Variants in DCAF4L1 observed in about 807,000 individuals in gnomAD.
DCAF4L1 encodes the protein DDB1 and CUL4 associated factor 4 like 1, also known as DDB1- and CUL4-associated factor 4-like protein 1.
A neutral mutation model predicts 28.2 loss-of-function variants in DCAF4L1; 4 were observed. The ratio of observed to expected loss-of-function variants is 0.14; its 90% confidence interval spans 0.07 to 0.33. The LOEUF (loss-of-function observed/expected upper bound fraction) is 0.33, where lower values mean the gene tolerates loss of function less well. DCAF4L1 is among the 10% of genes least tolerant of loss of function. The pLI is 1.00. For synonymous variants in DCAF4L1, 252 were observed against 212.1 expected, an observed-to-expected ratio of 1.19 and a Z score of -1.63; for missense variants, 331 against 506.1, an observed-to-expected ratio of 0.65 and a Z score of 3.32.
Position 41,985,108 on chromosome 4 carries a change from G to GTATA in DCAF4L1, c.*2135_*2138dup, listed in dbSNP as rs372013647. ...AAGAACTAGCTGCAGACATATATAT[G>GTATA]TATATATATATATGTCTGATACTGA... On this transcript the variant is annotated 3_prime_UTR_variant, in exon 1 of 1. Coordinates refer to ENST00000333141, the MANE Select transcript of DCAF4L1 (RefSeq NM_001029955.4). 2.1e-4 allele frequency: 35 copies of GTATA among 165,352 alleles called. No homozygotes were observed. The highest frequency in any genetic ancestry group is 5.3e-4 in the Admixed American group (8 of 15,094). 10.2% of individuals were successfully genotyped at this position (165,352 alleles called of 1,614,324 possible).
Position 41,985,751 on chromosome 4 carries a change from T to TAATGTTGAA in DCAF4L1, c.*2770_*2778dup, listed in dbSNP as rs1368952156. The TAATGTTGAA allele has an allele frequency of 1.8e-5, 3 of 167,034 alleles. No homozygotes were observed. The East Asian group carries it at 5.8e-4, about 32-fold the overall frequency. 10.3% of individuals were successfully genotyped at this position (167,034 alleles called of 1,614,324 possible). A position where few individuals can be genotyped will look rare whatever the true frequency, so the allele number is the denominator to read the frequency against. ...GCACTATGGACAAATCCTGCAAACATAATGTTGAAATAAAGATGCCAAACA... is the reference window on the plus strand; with the variant it reads ...GCACTATGGACAAATCCTGCAAACATAATGTTGAAAATGTTGAAATAAAGATGCCAAACA... On this transcript the variant is annotated 3_prime_UTR_variant, in exon 1 of 1. Coordinates refer to ENST00000333141, the MANE Select transcript of DCAF4L1 (RefSeq NM_001029955.4).
In DCAF4L1 at chr4:41,981,901, C is replaced by T. The variant is rs996774639; in HGVS notation, c.109C>T (p.Leu37Phe). 24 of 1,614,084 alleles carry T rather than the reference C, an allele frequency of 1.5e-5. No individual in the cohort carries two copies. Among genetic ancestry groups the T allele is most frequent in the Non-Finnish European group, 2.0e-5 (24 of 1,180,042 alleles). Reference sequence around the variant, plus strand: ...GCTCCGAAAAAGCCAGCTAGGTTTCCTCAACGTCACCAGTTACTCCCGTTT... The same window carrying T: ...GCTCCGAAAAAGCCAGCTAGGTTTCTTCAACGTCACCAGTTACTCCCGTTT... ...SMLRKSQLGF[L>F]NVTSYSRLAN... The change falls in exon 1 of 1, where the codon CTC becomes TTC. Residue 37 changes from leucine (L) to phenylalanine (F), a missense_variant. By Grantham distance (22) the Leu-to-Phe change is conservative. Transcript: ENST00000333141.
In DCAF4L1 at chr4:41,985,980, A is replaced by G. The variant is rs1054361297; in HGVS notation, c.*2997A>G. ...TAATGGCACTGTGTCCGAGAGTCCA[A>G]AGAAGATGCGTAGACAGCGAACAAG... On this transcript the variant is annotated 3_prime_UTR_variant, in exon 1 of 1. Transcript: ENST00000333141. The G allele has an allele frequency of 3.6e-5, 6 of 167,138 alleles. No individual in the cohort carries two copies. Among genetic ancestry groups the G allele is most frequent in the African/African-American group, 1.2e-4 (5 of 41,450 alleles). 10.4% of individuals were successfully genotyped at this position (167,138 alleles called of 1,614,324 possible).
Position 41,982,897 on chromosome 4 carries a change from G to A in DCAF4L1, c.1105G>A (p.Ala369Thr), listed in dbSNP as rs764196692. 28 of 1,614,092 alleles carry A rather than the reference G, an allele frequency of 1.7e-5. No individual in the cohort carries two copies. Among genetic ancestry groups the A allele is most frequent in the Non-Finnish European group, 2.4e-5 (28 of 1,180,052 alleles). Residue 369 changes from alanine to threonine, a missense_variant, in exon 1 of 1, where the codon GCT (alanine) becomes ACT (threonine). Coordinates refer to ENST00000333141, the MANE Select transcript of DCAF4L1 (RefSeq NM_001029955.4). The surrounding 1 kb of genome is among the most constrained non-coding windows in gnomAD (Gnocchi z 4.4). ...GGACGACATTCCCAGCGTGGCCTTC[G>A]CTTCTCGGCTCGGGGGCATCCGGGG... ...SEDDIPSVAF[A>T]SRLGGIRGAA...
At position 41,982,859 on chromosome 4, in the gene DCAF4L1, A is replaced by G. The variant is rs760649731; in HGVS notation, c.1067A>G (p.Tyr356Cys). ...CTGCTCAGAACCATCCCTTCCCCGT[A>G]CTCTGCCTCCGAGGACGACATTCCC... ...AHLLRTIPSP[Y>C]SASEDDIPSV... Residue 356 changes from tyrosine to cysteine, a missense_variant, in exon 1 of 1, where the codon TAC becomes TGC. By Grantham distance (194) the Tyr-to-Cys change is radical. Transcript: ENST00000333141. The surrounding 1 kb of genome is among the most constrained non-coding windows in gnomAD (Gnocchi z 4.4). 6.8e-6 allele frequency: 11 copies of G among 1,614,038 alleles called. No individual in the cohort carries two copies. The South Asian group carries it at 1.1e-4, about 16-fold the overall frequency.
At position 41,985,392 on chromosome 4, in the gene DCAF4L1, T is replaced by G. The variant is rs1322507579; in HGVS notation, c.*2409T>G. 1 of 167,016 alleles carries G rather than the reference T, an allele frequency of 6.0e-6. No homozygotes were observed. The allele number at this position is 167,016 out of a possible 1,614,324, so 10.3% of individuals were successfully genotyped here. On this transcript the variant is annotated 3_prime_UTR_variant, in exon 1 of 1. Coordinates refer to ENST00000333141, the MANE Select transcript of DCAF4L1 (RefSeq NM_001029955.4). ...TGCCACACCACTTTCACTATAATGG[T>G]TAAAATAAAATAGATCAGGTGGAGT...
rs1714046181 is a variant in DCAF4L1, at chr4:41,983,178, A to C, written c.*195A>C. 1 of 572,576 alleles carries C rather than the reference A, an allele frequency of 1.7e-6. No individual in the cohort carries two copies. Among genetic ancestry groups the C allele is most frequent in the African/African-American group, 1.9e-5 (1 of 53,072 alleles). 35.5% of individuals were successfully genotyped at this position (572,576 alleles called of 1,614,324 possible). A position where few individuals can be genotyped will look rare whatever the true frequency, so the allele number is the denominator to read the frequency against. ...TTATTTCAGTTAAACTGTGGACTTAACTTGAAAGTCCTTTTCATAAAAGGT... is the reference window on the plus strand; with the variant it reads ...TTATTTCAGTTAAACTGTGGACTTACCTTGAAAGTCCTTTTCATAAAAGGT... On this transcript the variant is annotated 3_prime_UTR_variant, in exon 1 of 1. Transcript: ENST00000333141.
In DCAF4L1 at chr4:41,982,401, C is replaced by T. The variant is rs746896504; in HGVS notation, c.609C>T (p.Gly203=). The T allele has an allele frequency of 6.2e-7, 1 of 1,614,248 alleles. No individual in the cohort carries two copies. The highest frequency in any genetic ancestry group is 8.5e-7 in the Non-Finnish European group (1 of 1,180,052). Residue 203 remains glycine (G), a synonymous_variant, in exon 1 of 1, where the codon GGC becomes GGT. Transcript: ENST00000333141. This position sits in a 1 kb window ranked among gnomAD's most constrained non-coding sequence, Gnocchi z 4.4. ...GGGCATATCACTGCTTTAGTGCAGG[C>T]TTGTCTCAGCAGGTCCTGTTGACCA... ...NTRAYHCFSA[G]LSQQVLLTSV...
At position 41,982,753 on chromosome 4, in the gene DCAF4L1, C is replaced by T; in HGVS notation, c.961C>T (p.His321Tyr). 1 of 1,614,222 alleles carries T rather than the reference C, an allele frequency of 6.2e-7. No individual in the cohort carries two copies. Among genetic ancestry groups the T allele is most frequent in the Non-Finnish European group, 8.5e-7 (1 of 1,180,044 alleles). ...HVNESAYLPL[H>Y]VHEEEGIVVA... Reference sequence around the variant, plus strand: ...GAATGAGTCCGCCTATCTGCCCCTGCATGTGCACGAGGAAGAGGGAATCGT... The same window carrying T: ...GAATGAGTCCGCCTATCTGCCCCTGTATGTGCACGAGGAAGAGGGAATCGT... Residue 321 changes from histidine (H) to tyrosine (Y), a missense_variant, in exon 1 of 1, where the codon CAT becomes TAT. Physicochemically the swap from His to Tyr is moderately conservative, Grantham distance 83. Coordinates refer to ENST00000333141, the MANE Select transcript of DCAF4L1 (RefSeq NM_001029955.4). The surrounding 1 kb of genome is among the most constrained non-coding windows in gnomAD (Gnocchi z 4.4).
chr4:41,983,082 AT>A lies in DCAF4L1; in HGVS notation c.*100del. ...GAGAGCATTTTAAGAGACGTGTTGT[AT>A]ATAGATCGCATCCATCCGGCTGCCA... On this transcript the variant is annotated 3_prime_UTR_variant, in exon 1 of 1. Transcript: ENST00000333141. 6 of 1,122,526 alleles carry A rather than the reference AT, an allele frequency of 5.3e-6. No individual in the cohort carries two copies. In the South Asian group the frequency reaches 9.5e-5, roughly 18 times the overall value. 69.5% of individuals were successfully genotyped at this position (1,122,526 alleles called of 1,614,324 possible).
rs1332070463 is a variant in DCAF4L1 at position 41,982,183 on chromosome 4, T to G, written c.391T>G (p.Cys131Gly). 1 of 1,614,130 alleles carries G rather than the reference T, an allele frequency of 6.2e-7. No homozygotes were observed. The highest frequency in any genetic ancestry group is 1.3e-5 in the African/African-American group (1 of 74,942). Residue 131 changes from cysteine to glycine, a missense_variant, in exon 1 of 1, where the codon TGC (cysteine) becomes GGC (glycine). Physicochemically the swap from Cys to Gly is radical, Grantham distance 159. Transcript: ENST00000333141. The surrounding 1 kb of genome is among the most constrained non-coding windows in gnomAD (Gnocchi z 4.4). ...CCCCAACCGGAAGGTGAAGTCCCTGTGCTGGGCCTCGCTGAACCAGTTGGA... is the reference window on the plus strand; with the variant it reads ...CCCCAACCGGAAGGTGAAGTCCCTGGGCTGGGCCTCGCTGAACCAGTTGGA... ...YVPNRKVKSL[C>G]WASLNQLDSH... is the part of the protein sequence containing the mutation.
chr4:41,982,314 T>G lies in DCAF4L1; in HGVS notation c.522T>G (p.Pro174=). The change falls in exon 1 of 1, where the codon CCT becomes CCG. Residue 174 remains proline, a synonymous_variant. Coordinates refer to ENST00000333141, the MANE Select transcript of DCAF4L1 (RefSeq NM_001029955.4). This position sits in a 1 kb window ranked among gnomAD's most constrained non-coding sequence, Gnocchi z 4.4. ...GTGTTCACACAAGAGTTAACCAGCC[T>G]GGCATGCTCTGCAGTTTCCAGATCC... The part of the protein sequence containing the change: ...FLSVHTRVNQ[P]GMLCSFQIPE... 7 of 1,614,236 alleles carry G rather than the reference T, an allele frequency of 4.3e-6. No individual in the cohort carries two copies. The highest frequency in any genetic ancestry group is 5.9e-6 in the Non-Finnish European group (7 of 1,180,036).
Position 41,984,038 on chromosome 4 carries a change from G to A in DCAF4L1, c.*1055G>A, listed in dbSNP as rs1451821869. On this transcript the variant is annotated 3_prime_UTR_variant, in exon 1 of 1. Transcript: ENST00000333141. Reference sequence around the variant, plus strand: ...GATTCAATTCTAAAGTTCAAAAGCAGTAAAAACTTGTCTATGGTGATTAAA... The same window carrying A: ...GATTCAATTCTAAAGTTCAAAAGCAATAAAAACTTGTCTATGGTGATTAAA... 2 of 163,906 alleles carry A rather than the reference G, an allele frequency of 1.2e-5. No individual in the cohort carries two copies. The highest frequency in any genetic ancestry group is 4.8e-5 in the African/African-American group (2 of 41,436). 10.2% of individuals were successfully genotyped at this position (163,906 alleles called of 1,614,324 possible).
In DCAF4L1 at chr4:41,983,277, G is replaced by T; in HGVS notation, c.*294G>T. 1 of 254,294 alleles carries T rather than the reference G, an allele frequency of 3.9e-6. No homozygotes were observed. The allele number at this position is 254,294 out of a possible 1,614,324, so 15.8% of individuals were successfully genotyped here. A position where few individuals can be genotyped will look rare whatever the true frequency, so the allele number is the denominator to read the frequency against. On this transcript the variant is annotated 3_prime_UTR_variant, in exon 1 of 1. Coordinates refer to ENST00000333141, the MANE Select transcript of DCAF4L1 (RefSeq NM_001029955.4). ...ACCCTTTTTTTTTTTAAATAATTAA[G>T]ACTTTTCTAAGGACTGAAGATTGGC...
rs758477805 is a variant in DCAF4L1 at position 41,982,035 on chromosome 4, C to G, written c.243C>G (p.Thr81=). 6.2e-7 allele frequency: 1 copy of G among 1,614,222 alleles called. No homozygotes were observed. The highest frequency in any genetic ancestry group is 2.2e-5 in the East Asian group (1 of 44,882). Residue 81 remains threonine, a synonymous_variant, in exon 1 of 1, where the codon ACC becomes ACG. Transcript: ENST00000333141. The surrounding 1 kb of genome is among the most constrained non-coding windows in gnomAD (Gnocchi z 4.4). ...SDRFNFILAS[T]NSDQLFVVNQ... is the part of the protein sequence containing the mutation. ...GATTTAACTTCATTCTGGCGAGTAC[C>G]AACAGCGACCAGCTCTTCGTAGTGA...
chr4:41,982,128 C>G lies in DCAF4L1; in HGVS notation c.336C>G (p.Phe112Leu). The G allele has an allele frequency of 6.2e-7, 1 of 1,614,226 alleles. No individual in the cohort carries two copies. The highest frequency in any genetic ancestry group is 1.3e-5 in the African/African-American group (1 of 75,054). ...ISLRTLKIPS[F>L]HVYVLRNLYV... Reference sequence around the variant, plus strand: ...TGCGAACTCTGAAGATCCCTTCGTTCCACGTGTACGTGCTCAGAAACCTCT... The same window carrying G: ...TGCGAACTCTGAAGATCCCTTCGTTGCACGTGTACGTGCTCAGAAACCTCT... The change falls in exon 1 of 1, where the codon TTC becomes TTG. Residue 112 changes from phenylalanine to leucine, a missense_variant. Physicochemically the swap from Phe to Leu is conservative, Grantham distance 22. Coordinates refer to ENST00000333141, the MANE Select transcript of DCAF4L1 (RefSeq NM_001029955.4). This position sits in a 1 kb window ranked among gnomAD's most constrained non-coding sequence, Gnocchi z 4.4.
At position 41,984,024 on chromosome 4, in the gene DCAF4L1, A is replaced by G. The variant is rs1210979713; in HGVS notation, c.*1041A>G. 1 of 164,584 alleles carries G rather than the reference A, an allele frequency of 6.1e-6. No individual in the cohort carries two copies. Among genetic ancestry groups the G allele is most frequent in the Non-Finnish European group, 1.5e-5 (1 of 68,102 alleles). The allele number at this position is 164,584 out of a possible 1,614,324, so 10.2% of individuals were successfully genotyped here. ...AGTACAAACTGTATGATTCAATTCTAAAGTTCAAAAGCAGTAAAAACTTGT... is the reference window on the plus strand; with the variant it reads ...AGTACAAACTGTATGATTCAATTCTGAAGTTCAAAAGCAGTAAAAACTTGT... On this transcript the variant is annotated 3_prime_UTR_variant, in exon 1 of 1. Coordinates refer to ENST00000333141, the MANE Select transcript of DCAF4L1 (RefSeq NM_001029955.4).
In DCAF4L1 at chr4:41,983,000, G is replaced by T. The variant is rs374930244; in HGVS notation, c.*17G>T. 1 of 1,574,704 alleles carries T rather than the reference G, an allele frequency of 6.4e-7. No homozygotes were observed. The highest frequency in any genetic ancestry group is 8.6e-7 in the Non-Finnish European group (1 of 1,160,544). On this transcript the variant is annotated 3_prime_UTR_variant, in exon 1 of 1. Coordinates refer to ENST00000333141, the MANE Select transcript of DCAF4L1 (RefSeq NM_001029955.4). The surrounding 1 kb of genome is among the most constrained non-coding windows in gnomAD (Gnocchi z 4.4). ...TTCAGCTAATTCTGCAGGTGGCAGCGCGGCCGAATGTGGATTTGACTTAAG... is the reference window on the plus strand; with the variant it reads ...TTCAGCTAATTCTGCAGGTGGCAGCTCGGCCGAATGTGGATTTGACTTAAG...
At position 41,982,927 on chromosome 4, in the gene DCAF4L1, G is replaced by C. The variant is rs373491988; in HGVS notation, c.1135G>C (p.Ala379Pro). 2 of 1,613,950 alleles carry C rather than the reference G, an allele frequency of 1.2e-6. No homozygotes were observed. The highest frequency in any genetic ancestry group is 2.7e-5 in the African/African-American group (2 of 74,946). ...ASRLGGIRGA[A>P]PGLLMAVRQD... ...TCGGCTCGGGGGCATCCGGGGAGCAGCACCAGGGCTGCTCATGGCTGTCCG... is the reference window on the plus strand; with the variant it reads ...TCGGCTCGGGGGCATCCGGGGAGCACCACCAGGGCTGCTCATGGCTGTCCG... The change falls in exon 1 of 1, where the codon GCA (alanine) becomes CCA (proline). Residue 379 changes from alanine to proline, a missense_variant. Transcript: ENST00000333141. This position sits in a 1 kb window ranked among gnomAD's most constrained non-coding sequence, Gnocchi z 4.4.
Sources: gnomAD v4.1 joint callset for allele counts on GRCh38, gnomAD v4.1.1 for gene constraint, Gnocchi (gnomAD v3.1) non-coding constraint, MANE v1.5 for transcripts, NCBI Gene and HGNC (gene_info 2026-07-23, HGNC 2026-07-21) for gene names.